FAM187A: variants seen among roughly 807,000 people sequenced by gnomAD.
FAM187A encodes the protein Ig-like V-type domain-containing protein FAM187A.
A neutral mutation model predicts 6.4 loss-of-function variants in FAM187A; 4 were observed. The ratio of observed to expected loss-of-function variants is 0.63; its 90% CI spans 0.31 to 1.44. The LOEUF is 1.44. FAM187A is among the 40% of genes most tolerant of loss of function. The pLI is 0.07. For missense variants in FAM187A, 463 were observed against 542.2 expected (o/e 0.85, Z 1.45); for synonymous variants, 221 against 213.4 (o/e 1.04, Z -0.31).
chr17:44,903,439 T>C, exon 4 of FAM187A: 2 of 1,251,650 alleles, frequency 1.6e-6, no homozygotes, highest in Non-Finnish European at 2.0e-6. Context: ...GAAAGACTTT[T>C]CCACCAGGCT....
At chr17:44,903,521 C>G (rs1232057496) in exon 4 of FAM187A, 1 of 1,285,782 alleles carries the variant, frequency 7.8e-7, no homozygotes, top group East Asian at 2.9e-5. Context: ...CTTCTCATTC[C>G]GGTTTCCTTT....
exon 4 of FAM187A, chr17:44,904,064 C>T (rs889441771): frequency 1.3e-6 from 2 of 1,550,552 alleles, no homozygotes; most frequent in African/African-American, 1.4e-5. Context: ...CACCAAAGTG[C>T]TGACGGACTT....
At chr17:44,904,826 C>T (rs752042929) in exon 4 of FAM187A, 7 of 1,550,554 alleles carry the variant, frequency 4.5e-6, no homozygotes, top group African/African-American at 2.7e-5. Flanking sequence ...GCTCCACATC[C>T]GCTTCACCCA....
chr17:44,903,601 C>A lies in FAM187A; in HGVS notation c.-229C>A, dbSNP rs940631847. ...AGGCCAGGTTCTAGAATGGCTTTCC[C>A]CCCCCACCCTGAGATCAGGTCTGGA... On this transcript the variant is annotated 5_prime_UTR_variant, in exon 4 of 4. Transcript: ENST00000331733. The A allele has an allele frequency of 4.3e-5, 61 of 1,403,032 alleles. No individual in the cohort carries two copies. The highest frequency in any genetic ancestry group is 5.6e-5 in the Non-Finnish European group (61 of 1,085,506). The allele number at this position is 1,403,032 out of a possible 1,614,324, so 86.9% of individuals were successfully genotyped here.
exon 4 of FAM187A, chr17:44,904,012 A>C (rs1273417262): frequency 6.4e-7 from 1 of 1,550,552 alleles, no homozygotes; most frequent in Admixed American, 2.0e-5. Flanking sequence ...AAGAGGTGCC[A>C]GCTGTAGTCT....
chr17:44,904,499 C>T (rs1398804843), exon 4 of FAM187A: 25 of 1,548,626 alleles, frequency 1.6e-5, no homozygotes, highest in Admixed American at 9.8e-5. Context: ...AAGGAAGCTG[C>T]GGACCAAGGC....
chr17:44,903,601 C>T, exon 4 of FAM187A: 2 of 1,403,150 alleles, frequency 1.4e-6, no homozygotes, highest in East Asian at 2.6e-5. Context: ...ATGGCTTTCC[C>T]CCCCCACCCT....
chr17:44,903,576 A>G, exon 4 of FAM187A: 1 of 1,387,770 alleles, frequency 7.2e-7, no homozygotes. Flanking sequence ...AGGGGAGTAA[A>G]GGCCAGGTTC....
exon 4 of FAM187A, chr17:44,904,571 A>T: frequency 1.3e-6 from 2 of 1,550,562 alleles, no homozygotes; most frequent in East Asian, 2.4e-5. Flanking sequence ...GAAGACAAAG[A>T]CCATCCGGGA....
exon 4 of FAM187A, chr17:44,903,969 T>C (rs969397870): frequency 3.2e-6 from 5 of 1,549,278 alleles, no homozygotes; most frequent in Admixed American, 3.9e-5. Flanking sequence ...CTGGCCGACA[T>C]GAGCTTTGAG....
Position 44,904,865 on chromosome 17 carries a change from T to C in FAM187A, c.1036T>C (p.Trp346Arg), listed in dbSNP as rs202112602. Reference sequence around the variant, plus strand: ...GGATGACCGGGGCATCTACTATTGCTGGAGGCAGGGTGTGCTAGTTGCTGG... The same window carrying C: ...GGATGACCGGGGCATCTACTATTGCCGGAGGCAGGGTGTGCTAGTTGCTGG... The change falls in exon 4 of 4, where the codon TGG becomes CGG. Residue 346 changes from tryptophan to arginine, a missense_variant. Trp to Arg is a moderately radical substitution (Grantham distance 101, BLOSUM62 -3). Transcript: ENST00000331733. 2,398 of 1,550,654 alleles carry C rather than the reference T, an allele frequency of 1.5e-3. 5 individuals are homozygous for C. The highest frequency in any genetic ancestry group is 1.6e-3 in the Non-Finnish European group (1,797 of 1,146,978).
chr17:44,905,212 A>C lies in FAM187A; in HGVS notation c.*141A>C, dbSNP rs1567768525. The C allele has an allele frequency of 7.3e-6, 5 of 687,772 alleles. No individual in the cohort carries two copies. The East Asian group carries it at 1.4e-4, about 19-fold the overall frequency. The allele number at this position is 687,772 out of a possible 1,614,324, so 42.6% of individuals were successfully genotyped here. Reference sequence around the variant, plus strand: ...CTGTTACAGCCTGCTCCCCATTTTCATGGGCAGGTCTGGGACCTGATCTGA... The same window carrying C: ...CTGTTACAGCCTGCTCCCCATTTTCCTGGGCAGGTCTGGGACCTGATCTGA... On this transcript the variant is annotated 3_prime_UTR_variant, in exon 4 of 4. Transcript: ENST00000331733.
chr17:44,903,768 G>T (rs1205487917), exon 4 of FAM187A: 1 of 1,481,872 alleles, frequency 6.7e-7, no homozygotes, highest in Non-Finnish European at 9.0e-7. Flanking sequence ...CTTTCTAGGA[G>T]CCCTATGAGC....
In FAM187A at chr17:44,904,198, C is replaced by G. The variant is rs780559028; in HGVS notation, c.369C>G (p.Tyr123Ter). ...CTCAGTCTGAGGACTCAGGCCTGTA[C>G]TTCTGCGGCACCCGCAAGGGGGACT... The change falls in exon 4 of 4, where the codon TAC (tyrosine) becomes TAG (stop). Residue 123 changes from tyrosine to a stop codon, truncating the protein, a stop_gained. Coordinates refer to ENST00000331733, the Ensembl canonical transcript of FAM187A. LOFTEE classifies it high-confidence loss of function. 5.2e-6 allele frequency: 8 copies of G among 1,550,588 alleles called. No homozygotes were observed. The highest frequency in any genetic ancestry group is 1.7e-4 in the Middle Eastern group (1 of 5,990).
At chr17:44,903,769 C>G in exon 4 of FAM187A, 1 of 1,485,912 alleles carries the variant, frequency 6.7e-7, no homozygotes, top group East Asian at 2.5e-5. Flanking sequence ...TTTCTAGGAG[C>G]CCTATGAGCC....
At chr17:44,904,052 C>A in exon 4 of FAM187A, 1 of 1,550,618 alleles carries the variant, frequency 6.4e-7, no homozygotes, top group Non-Finnish European at 8.7e-7. Context: ...AGGTAGCAGC[C>A]ACACCAAAGT....
At position 44,903,595 on chromosome 17, in the gene FAM187A, CT is replaced by C. The variant is rs1423379939; in HGVS notation, c.-232del. 1.3e-5 allele frequency: 18 copies of C among 1,404,308 alleles called. No homozygotes were observed. The highest frequency in any genetic ancestry group is 2.6e-4 in the Middle Eastern group (1 of 3,816). The allele number at this position is 1,404,308 out of a possible 1,614,324, so 87.0% of individuals were successfully genotyped here. A position where few individuals can be genotyped will look rare whatever the true frequency, so the allele number is the denominator to read the frequency against. ...GAGTAAAGGCCAGGTTCTAGAATGG[CT>C]TTCCCCCCCCACCCTGAGATCAGGT... is the stretch of plus-strand genomic sequence containing the variant. On this transcript the variant is annotated 5_prime_UTR_variant, in exon 4 of 4. It introduces an in-frame stop codon into an upstream open reading frame of the 5' UTR. Coordinates refer to ENST00000331733, the Ensembl canonical transcript of FAM187A.
At chr17:44,904,162 G>C (rs751230048) in exon 4 of FAM187A, 19 of 1,550,230 alleles carry the variant, frequency 1.2e-5, no homozygotes. Flanking sequence ...TCAGCTTGTT[G>C]GTTTTCAGGG....
rs886053017 is a variant in FAM187A, at chr17:44,903,638, G to A, written c.-192G>A. 7.0e-7 allele frequency: 1 copy of A among 1,431,582 alleles called. No individual in the cohort carries two copies. The highest frequency in any genetic ancestry group is 2.5e-5 in the East Asian group (1 of 39,848). 88.7% of individuals were successfully genotyped at this position (1,431,582 alleles called of 1,614,324 possible). On this transcript the variant is annotated 5_prime_UTR_variant, in exon 4 of 4. Transcript: ENST00000331733. ...AGATCAGGTCTGGAATGTTAGAAGGGCATCTTGTACATCCACTGGGAATAA... is the reference window on the plus strand; with the variant it reads ...AGATCAGGTCTGGAATGTTAGAAGGACATCTTGTACATCCACTGGGAATAA...
Sources: gnomAD v4.1 joint callset for allele counts on GRCh38, gnomAD v4.1.1 for gene constraint, MANE v1.5 for transcripts, NCBI Gene and HGNC (gene_info 2026-07-23, HGNC 2026-07-21) for gene names.